The following B3GALT1 variants were observed in gnomAD, a reference collection of about 807,000 sequenced individuals.
B3GALT1 encodes the protein beta-1,3-galactosyltransferase 1, also known as UDP-Gal:betaGlcNAc beta 1,3-galactosyltransferase, polypeptide 1.
B3GALT1 carries 10 observed loss-of-function variants against 23.2 expected under a neutral mutation model. The observed-to-expected ratio is 0.43, with a 90% confidence interval of 0.27 to 0.73. The LOEUF (loss-of-function observed/expected upper bound fraction) is 0.73, where lower values mean the gene tolerates loss of function less well. B3GALT1 is among the 30% of genes least tolerant of loss of function. The pLI is 0.21. For missense variants in B3GALT1, 299 were observed against 405.4 expected, an observed-to-expected ratio of 0.74 and a Z score of 2.25; for synonymous variants, 156 against 141.5, an observed-to-expected ratio of 1.10 and a Z score of -0.73.
chr2:167,860,881 C>CA (rs1287259499), intron 4 of B3GALT1, among the ~76,000 whole-genome samples: 1 of 144,052 alleles, frequency 6.9e-6, no homozygotes, highest in African/African-American at 2.6e-5. Context: ...TTTTTTTTTT[C>CA]ATCTAAAAAT....
chr2:167,797,984 G>A (rs564294105), intron 3 of B3GALT1, among the ~76,000 whole-genome samples: 7 of 152,152 alleles, frequency 4.6e-5, no homozygotes, highest in African/African-American at 7.2e-5. Flanking sequence ...TATTACAGGC[G>A]TGAGCCACCA....
chr2:167,517,154 C>A (rs1251727810), intron 2 of B3GALT1, among the ~76,000 whole-genome samples: 1 of 151,814 alleles, frequency 6.6e-6, no homozygotes, highest in African/African-American at 2.4e-5. Flanking sequence ...GACAAGCAGA[C>A]TCTCCTCAGT....
At chr2:167,483,555 T>A (rs978435883) in intron 1 of B3GALT1, among the ~76,000 whole-genome samples, 1 of 152,154 alleles carries the variant, frequency 6.6e-6, no homozygotes, top group Admixed American at 6.5e-5. Flanking sequence ...AATACACATA[T>A]ATGGTTGAGT....
chr2:167,775,491 C>A (rs1249482316), intron 3 of B3GALT1, among the ~76,000 whole-genome samples: 1 of 151,466 alleles, frequency 6.6e-6, no homozygotes, highest in Non-Finnish European at 1.5e-5. Context: ...ATCGCTTGAA[C>A]CTGGAAGGCA....
At chr2:167,517,194 C>T (rs1346815164) in intron 2 of B3GALT1, among the ~76,000 whole-genome samples, 1 of 151,772 alleles carries the variant, frequency 6.6e-6, no homozygotes, top group African/African-American at 2.4e-5. Context: ...TAAAACATCA[C>T]TTGCTACTTT....
intron 1 of B3GALT1, among the ~76,000 whole-genome samples, chr2:167,312,535 GA>G (rs1696648787): frequency 6.6e-6 from 1 of 151,918 alleles, no homozygotes; most frequent in Non-Finnish European, 1.5e-5. Context: ...AAAACCGAGA[GA>G]AACTGTAACA....
At chr2:167,297,691 C>G (rs928801676) in intron 1 of B3GALT1, among the ~76,000 whole-genome samples, 2 of 152,090 alleles carry the variant, frequency 1.3e-5, no homozygotes, top group African/African-American at 4.8e-5. Flanking sequence ...GGGTCTTTAG[C>G]TTACATCTCA....
At chr2:167,335,471 A>G (rs971668395) in intron 1 of B3GALT1, among the ~76,000 whole-genome samples, 1 of 152,220 alleles carries the variant, frequency 6.6e-6, no homozygotes, top group African/African-American at 2.4e-5. Flanking sequence ...GCAGAGCAGC[A>G]GCATGGTCCA....
At chr2:167,403,473 C>T (rs1373719907) in intron 1 of B3GALT1, among the ~76,000 whole-genome samples, 1 of 151,246 alleles carries the variant, frequency 6.6e-6, no homozygotes, top group African/African-American at 2.4e-5. Flanking sequence ...AATAGTGCTG[C>T]AATAAACATA....
chr2:167,658,270 G>C (rs1685991368), intron 3 of B3GALT1, among the ~76,000 whole-genome samples: 1 of 151,980 alleles, frequency 6.6e-6, no homozygotes, highest in Non-Finnish European at 1.5e-5. Flanking sequence ...AAATGCTATT[G>C]AGAGAATTGA....
intron 1 of B3GALT1, among the ~76,000 whole-genome samples, chr2:167,464,813 C>G (rs948500649): frequency 9.9e-5 from 15 of 152,032 alleles, no homozygotes; most frequent in African/African-American, 3.1e-4. Context: ...TATACTCAAC[C>G]CTCTGCTTTT....
chr2:167,858,510 T>G (rs1337805838), intron 4 of B3GALT1, among the ~76,000 whole-genome samples: 1 of 152,148 alleles, frequency 6.6e-6, no homozygotes, highest in African/African-American at 2.4e-5. Context: ...CCATTTGACT[T>G]ATATAGTATT....
At chr2:167,775,741 C>A (rs1038010227) in intron 3 of B3GALT1, among the ~76,000 whole-genome samples, 1 of 148,552 alleles carries the variant, frequency 6.7e-6, no homozygotes, top group African/African-American at 2.5e-5. Context: ...CATGAAGAAA[C>A]AGTATGGCAT....
At chr2:167,394,294 C>T (rs1574061890) in intron 1 of B3GALT1, among the ~76,000 whole-genome samples, 1 of 152,152 alleles carries the variant, frequency 6.6e-6, no homozygotes, top group Admixed American at 6.5e-5. Flanking sequence ...TATATCTATA[C>T]AGAAGAGTTT....
At chr2:167,774,268 A>G (rs1407343980) in intron 3 of B3GALT1, among the ~76,000 whole-genome samples, 5 of 152,130 alleles carry the variant, frequency 3.3e-5, no homozygotes, top group Admixed American at 2.6e-4. Flanking sequence ...ATACATATGT[A>G]TTTAAGAGTC....
At chr2:167,535,747 G>A (rs1206182178) in intron 2 of B3GALT1, among the ~76,000 whole-genome samples, 3 of 151,846 alleles carry the variant, frequency 2.0e-5, no homozygotes, top group Non-Finnish European at 4.4e-5. Flanking sequence ...AAAAAATGTG[G>A]TTTTTATCAT....
chr2:167,306,384 A>C (rs1468653099), intron 1 of B3GALT1, among the ~76,000 whole-genome samples: 2 of 152,096 alleles, frequency 1.3e-5, no homozygotes, highest in Admixed American at 6.6e-5. Flanking sequence ...ACATATGAAC[A>C]CTGAAATTAT....
chr2:167,700,762 A>T (rs999314164), intron 3 of B3GALT1, among the ~76,000 whole-genome samples: 1 of 152,174 alleles, frequency 6.6e-6, no homozygotes, highest in Non-Finnish European at 1.5e-5. Context: ...TGGAACTACT[A>T]TGGCGAATAG....
chr2:167,639,417 A>G (rs1050385286), intron 2 of B3GALT1, among the ~76,000 whole-genome samples: 2 of 152,122 alleles, frequency 1.3e-5, no homozygotes, highest in African/African-American at 2.4e-5. Flanking sequence ...GAAGTCATTT[A>G]TTTTTTAAAT....
Sources: gnomAD v4.1 joint callset for allele counts (sites outside exome capture counted in the v4.1 genomes callset) on GRCh38, gnomAD v4.1.1 for gene constraint, MANE v1.5 for transcripts, NCBI Gene and HGNC (gene_info 2026-07-23, HGNC 2026-07-21) for gene names.